The following VPS4A variants were observed in gnomAD, a reference collection of about 807,000 sequenced individuals.
The protein encoded by VPS4A is vacuolar protein sorting 4 homolog A.
In VPS4A, 20 loss-of-function variants were observed where a neutral mutation model predicts 52.3. That is an observed-to-expected ratio of 0.38 (90% confidence interval 0.27 to 0.56). The LOEUF (loss-of-function observed/expected upper bound fraction) is 0.56. VPS4A is among the 20% of genes least tolerant of loss of function. The pLI is 0.72. For missense variants in VPS4A, 419 were observed against 575.9 expected (o/e 0.73, Z 2.79); for synonymous variants, 293 against 227.7 (o/e 1.29, Z -2.58).
At chr16:69,311,624 C>A in intron 1 of VPS4A, 92 bp downstream of exon 1, 1 of 1,185,888 alleles carries the variant, frequency 8.4e-7, no homozygotes, top group Non-Finnish European at 1.1e-6. Context: ...GTCAGGTGGG[C>A]GCCTCCCAGC....
Position 69,320,006 on chromosome 16 carries a change from ACCACGTTTT to A in VPS4A, c.621-132_621-124del. ...CAGTGTGGCCCGAGGGCTCCTCACC[ACCACGTTTT>A]CCGCAATTCCGGCATGACCGTGGCC... On this transcript the variant is annotated intron_variant, in intron 6 of 10. Transcript: ENST00000254950. The surrounding 1 kb of genome is among the most constrained non-coding windows in gnomAD (Gnocchi z 4.2). The A allele has an allele frequency of 8.0e-7, 1 of 1,251,254 alleles. No individual in the cohort carries two copies. Among genetic ancestry groups the A allele is most frequent in the Non-Finnish European group, 1.1e-6 (1 of 915,964 alleles). 77.5% of individuals were successfully genotyped at this position (1,251,254 alleles called of 1,614,324 possible).
chr16:69,319,581 C>A, intron 6 of VPS4A, 38 bp downstream of exon 6: 1 of 1,589,712 alleles, frequency 6.3e-7, no homozygotes. Flanking sequence ...CCAGCAGCCC[C>A]GGCACTGCTA....
intron 6 of VPS4A, among the ~76,000 whole-genome samples, chr16:69,319,820 G>T (rs1018775211): frequency 6.6e-6 from 1 of 152,182 alleles, no homozygotes; most frequent in Admixed American, 6.5e-5. Flanking sequence ...GGCAGTGTGT[G>T]GGGGACATGG....
intron 3 of VPS4A, 128 bp from the exon 4 acceptor site, chr16:69,318,522 C>A: frequency 1.0e-6 from 1 of 993,468 alleles, no homozygotes; most frequent in Non-Finnish European, 1.5e-6. Context: ...TTGAGTCACA[C>A]GGCACTGTTA....
Position 69,320,224 on chromosome 16 carries a change from C to G in VPS4A, c.704C>G (p.Ser235Cys). 1 of 1,613,976 alleles carries G rather than the reference C, an allele frequency of 6.2e-7. No individual in the cohort carries two copies. The highest frequency in any genetic ancestry group is 8.5e-7 in the Non-Finnish European group (1 of 1,179,870). ...GATGAGGTGGATTCCCTCTGCGGGTCCCGAAATGAAAATGAGAGTGAGGCC... is the reference window on the plus strand; with the variant it reads ...GATGAGGTGGATTCCCTCTGCGGGTGCCGAAATGAAAATGAGAGTGAGGCC... ...FIDEVDSLCG[S>C]RNENESEAAR... Residue 235 changes from serine (S) to cysteine (C), a missense_variant, in exon 7 of 11, where the codon TCC becomes TGC. Physicochemically the swap from Ser to Cys is moderately radical, Grantham distance 112. This residue lies in a region of VPS4A where 103 missense variants were observed against 210.3 expected (regional missense o/e 0.49). Coordinates refer to ENST00000254950, the MANE Select transcript of VPS4A (RefSeq NM_013245.3). The surrounding 1 kb of genome is among the most constrained non-coding windows in gnomAD (Gnocchi z 4.2).
At position 69,316,019 on chromosome 16, in the gene VPS4A, T is replaced by A. The variant is rs1476671875; in HGVS notation, c.33T>A (p.Asp11Glu). The change falls in exon 2 of 11, where the codon GAT becomes GAA. Residue 11 changes from aspartate (D) to glutamate (E), a missense_variant. Physicochemically the swap from Asp to Glu is conservative, Grantham distance 45 (BLOSUM62 2). Transcript: ENST00000254950. The stretch of plus-strand genomic sequence containing the variant: ...CTTTGCCTTTCCAGAAAGCCATTGA[T>A]CTGGTGACGAAAGCCACAGAGGAGG... MTTSTLQKAI[D>E]LVTKATEEDK... The A allele has an allele frequency of 1.9e-6, 3 of 1,613,384 alleles. No homozygotes were observed. The highest frequency in any genetic ancestry group is 2.5e-6 in the Non-Finnish European group (3 of 1,179,874).
chr16:69,318,321 G>A (rs965497115), intron 3 of VPS4A, among the ~76,000 whole-genome samples: 1 of 152,196 alleles, frequency 6.6e-6, no homozygotes, highest in Non-Finnish European at 1.5e-5. Flanking sequence ...TGAGGTGTGA[G>A]TCACCGCACC....
chr16:69,324,244 A>G lies in VPS4A; in HGVS notation c.1249A>G (p.Thr417Ala). ...GCGGTCTCTGGCCACCACCCGGCCC[A>G]CGGTGAATGCAGACGACCTCCTGAA... ...MLRSLATTRP[T>A]VNADDLLKVK... Residue 417 changes from threonine to alanine, a missense_variant, in exon 11 of 11, where the codon ACG becomes GCG. This residue lies in a region of VPS4A where 185 missense variants were observed against 200.2 expected (regional missense o/e 0.92). Coordinates refer to ENST00000254950, the MANE Select transcript of VPS4A (RefSeq NM_013245.3). The G allele has an allele frequency of 1.2e-6, 2 of 1,613,886 alleles. No homozygotes were observed. The highest frequency in any genetic ancestry group is 1.7e-6 in the Non-Finnish European group (2 of 1,179,870).
chr16:69,320,101 C>T lies in VPS4A; in HGVS notation c.621-40C>T, dbSNP rs774471247. 1.5e-5 allele frequency: 24 copies of T among 1,590,982 alleles called. No individual in the cohort carries two copies. The highest frequency in any genetic ancestry group is 2.2e-5 in the South Asian group (2 of 89,688). On this transcript the variant is annotated intron_variant, in intron 6 of 10. Coordinates refer to ENST00000254950, the MANE Select transcript of VPS4A (RefSeq NM_013245.3). The surrounding 1 kb of genome is among the most constrained non-coding windows in gnomAD (Gnocchi z 4.2). ...TGCCGGGAGCCCAGGCGGGCACGGA[C>T]GTGAACGTCTTGTCCTCACCCCCTT...
At position 69,324,530 on chromosome 16, in the gene VPS4A, T is replaced by G; in HGVS notation, c.*221T>G. ...CACAGTGGACACTGCTCTTCCTACT[T>G]CCTCCTCTCCTGGATGCTCATCAGC... On this transcript the variant is annotated 3_prime_UTR_variant, in exon 11 of 11. Coordinates refer to ENST00000254950, the MANE Select transcript of VPS4A (RefSeq NM_013245.3). 1.8e-6 allele frequency: 1 copy of G among 551,236 alleles called. No homozygotes were observed. Among genetic ancestry groups the G allele is most frequent in the Non-Finnish European group, 3.3e-6 (1 of 305,554 alleles). 34.1% of individuals were successfully genotyped at this position (551,236 alleles called of 1,614,324 possible).
chr16:69,321,410 G>T lies in VPS4A; in HGVS notation c.1071+140G>T, dbSNP rs1965510085. 7.9e-6 allele frequency: 7 copies of T among 890,216 alleles called. No individual in the cohort carries two copies. Among genetic ancestry groups the T allele is most frequent in the Non-Finnish European group, 1.0e-5 (6 of 589,476 alleles). 55.1% of individuals were successfully genotyped at this position (890,216 alleles called of 1,614,324 possible). A position where few individuals can be genotyped will look rare whatever the true frequency, so the allele number is the denominator to read the frequency against. ...AGGCCTCCTGGAGAGCCGAGGGCCA[G>T]TGCCATGGGGGCTGCACCCACTGTC... On this transcript the variant is annotated intron_variant, in intron 9 of 10. Coordinates refer to ENST00000254950, the MANE Select transcript of VPS4A (RefSeq NM_013245.3). The surrounding 1 kb of genome is among the most constrained non-coding windows in gnomAD (Gnocchi z 4.5).
Position 69,311,490 on chromosome 16 carries a change from TGG to T in VPS4A, c.-19_-18del, listed in dbSNP as rs1395252598. On this transcript the variant is annotated 5_prime_UTR_variant, in exon 1 of 11. Transcript: ENST00000254950. ...AGGCCGCAAGCAGCGCCGCGGGGTG[TGG>T]GGCGGACCCAGGAGATGAAATGACA... 1 of 1,339,376 alleles carries T rather than the reference TGG, an allele frequency of 7.5e-7. No individual in the cohort carries two copies. Among genetic ancestry groups the T allele is most frequent in the Non-Finnish European group, 9.7e-7 (1 of 1,032,218 alleles). 83.0% of individuals were successfully genotyped at this position (1,339,376 alleles called of 1,614,324 possible). A position where few individuals can be genotyped will look rare whatever the true frequency, so the allele number is the denominator to read the frequency against.
Position 69,321,401 on chromosome 16 carries a change from C to T in VPS4A, c.1071+131C>T, listed in dbSNP as rs560504342. 62 of 1,005,246 alleles carry T rather than the reference C, an allele frequency of 6.2e-5. No homozygotes were observed. The highest frequency in any genetic ancestry group is 9.4e-5 in the Admixed American group (4 of 42,750). The allele number at this position is 1,005,246 out of a possible 1,614,324, so 62.3% of individuals were successfully genotyped here. ...CAGTCTCTGAGGCCTCCTGGAGAGC[C>T]GAGGGCCAGTGCCATGGGGGCTGCA... On this transcript the variant is annotated intron_variant, in intron 9 of 10. Transcript: ENST00000254950. This position sits in a 1 kb window ranked among gnomAD's most constrained non-coding sequence, Gnocchi z 4.5.
Position 69,322,671 on chromosome 16 carries a change from G to C in VPS4A, c.1183G>C (p.Asp395His). 1 of 1,613,874 alleles carries C rather than the reference G, an allele frequency of 6.2e-7. No homozygotes were observed. Among genetic ancestry groups the C allele is most frequent in the Non-Finnish European group, 8.5e-7 (1 of 1,179,828 alleles). The part of the protein sequence containing the change: ...MEMTWMDVPG[D>H]KLLEPVVCMS... ...GATGACTTGGATGGATGTCCCTGGG[G>C]ACAAACTCTTAGAGCCTGTGGTTTG... Residue 395 changes from aspartate to histidine, a missense_variant, in exon 10 of 11, where the codon GAC becomes CAC. By Grantham distance (81) the Asp-to-His change is moderately conservative. Around this residue, in one of 3 missense-constraint regions of VPS4A, gnomAD observed 185 missense variants for 200.2 expected, o/e 0.92. Coordinates refer to ENST00000254950, the MANE Select transcript of VPS4A (RefSeq NM_013245.3).
In VPS4A at chr16:69,321,033, G is replaced by C. The variant is rs367803400; in HGVS notation, c.852-18G>C. 2.6e-6 allele frequency: 4 copies of C among 1,561,532 alleles called. No individual in the cohort carries two copies. In the African/African-American group the frequency reaches 5.5e-5, roughly 21 times the overall value. ...CCATCATCCGCTGTCAACTCCTGCC[G>C]TGTGCTGGGCTCTCTAGGTTTGAAA... is the stretch of plus-strand genomic sequence containing the variant. On this transcript the variant is annotated intron_variant, in intron 8 of 10. Transcript: ENST00000254950. The surrounding 1 kb of genome is among the most constrained non-coding windows in gnomAD (Gnocchi z 4.5).
chr16:69,319,130 T>C (rs1403001700), intron 5 of VPS4A, among the ~76,000 whole-genome samples, 188 bp downstream of exon 5: 2 of 151,950 alleles, frequency 1.3e-5, no homozygotes, highest in South Asian at 4.2e-4. Context: ...CGTCACAGGG[T>C]GGGGGCAGGA....
At chr16:69,322,811 T>A in intron 10 of VPS4A, 111 bp downstream of exon 10, 1 of 1,401,546 alleles carries the variant, frequency 7.1e-7, no homozygotes, top group Non-Finnish European at 9.6e-7. Context: ...AGCTCACGCC[T>A]GTAATCCCAG....
Position 69,321,406 on chromosome 16 carries a change from G to T in VPS4A, c.1071+136G>T. 7.4e-6 allele frequency: 7 copies of T among 946,498 alleles called. No homozygotes were observed. The highest frequency in any genetic ancestry group is 9.4e-6 in the Non-Finnish European group (6 of 638,828). 58.6% of individuals were successfully genotyped at this position (946,498 alleles called of 1,614,324 possible). On this transcript the variant is annotated intron_variant, in intron 9 of 10. Transcript: ENST00000254950. This position sits in a 1 kb window ranked among gnomAD's most constrained non-coding sequence, Gnocchi z 4.5. ...TCTGAGGCCTCCTGGAGAGCCGAGGGCCAGTGCCATGGGGGCTGCACCCAC... is the reference window on the plus strand; with the variant it reads ...TCTGAGGCCTCCTGGAGAGCCGAGGTCCAGTGCCATGGGGGCTGCACCCAC...
At position 69,318,863 on chromosome 16, in the gene VPS4A, C is replaced by T. The variant is rs377677949; in HGVS notation, c.384C>T (p.Asp128=). ...VMEKPNIRWN[D]VAGLEGAKEA... is the part of the protein sequence containing the mutation. ...AGAAGCCCAACATACGGTGGAACGA[C>T]GTGGCCGGGCTGGAGGGGGCCAAGG... The change falls in exon 5 of 11, where the codon GAC becomes GAT. Residue 128 remains aspartate, a synonymous_variant. Transcript: ENST00000254950. 49 of 1,613,614 alleles carry T rather than the reference C, an allele frequency of 3.0e-5. No homozygotes were observed. In the African/African-American group the frequency reaches 3.5e-4, roughly 11 times the overall value.
Sources: allele counts gnomAD v4.1 joint callset (sites outside exome capture counted in the v4.1 genomes callset), GRCh38; gene constraint gnomAD v4.1.1; regional missense constraint gnomAD v4.1.1; non-coding constraint Gnocchi (gnomAD v3.1); transcripts MANE v1.5; gene names NCBI Gene and HGNC (gene_info 2026-07-23, HGNC 2026-07-21).